NXPH1: variants seen among roughly 807,000 people sequenced by gnomAD.
NXPH1 encodes the protein neurexophilin 1.
A neutral mutation model predicts 23.7 loss-of-function variants in NXPH1; 5 were observed. The ratio of observed to expected loss-of-function variants is 0.21; its 90% CI spans 0.11 to 0.44. The LOEUF (loss-of-function observed/expected upper bound fraction) is 0.44, where lower values mean the gene tolerates loss of function less well. Ranked by LOEUF, NXPH1 falls within the 20% of genes least tolerant of loss-of-function variation. The pLI, the probability that NXPH1 is intolerant of heterozygous loss-of-function variation, is 0.99. For synonymous variants in NXPH1, 144 were observed against 122.2 expected, an observed-to-expected ratio of 1.18 and a Z score of -1.18; for missense variants, 324 against 321.6, an observed-to-expected ratio of 1.01 and a Z score of -0.06.
rs1357348538 is a variant in NXPH1 at position 8,752,918 on chromosome 7, AATG to A, written c.*1151_*1153del. 2.0e-5 allele frequency: 3 copies of A among 152,682 alleles called. No homozygotes were observed. The highest frequency in any genetic ancestry group is 4.4e-5 in the Non-Finnish European group (3 of 68,016). 9.5% of individuals were successfully genotyped at this position (152,682 alleles called of 1,614,324 possible). On this transcript the variant is annotated 3_prime_UTR_variant, in exon 3 of 3. Coordinates refer to ENST00000405863, the MANE Select transcript of NXPH1 (RefSeq NM_152745.3). The stretch of plus-strand genomic sequence containing the variant: ...ATTTAGATATTTTATTTCTGGAAAA[AATG>A]AAATGTACATAAAAATAAAACACTT...
At chr7:8,735,526 G>A (rs566614230) in intron 2 of NXPH1, among the ~76,000 whole-genome samples, 4 of 152,160 alleles carry the variant, frequency 2.6e-5, no homozygotes, top group African/African-American at 9.7e-5. Flanking sequence ...ATGTGCTGCT[G>A]CATTTGGTTT....
chr7:8,700,400 G>A (rs544287810), intron 2 of NXPH1, among the ~76,000 whole-genome samples: 11 of 152,108 alleles, frequency 7.2e-5, no homozygotes, highest in Non-Finnish European at 1.2e-4. Context: ...CACCCATAAA[G>A]GATGAAACAT....
chr7:8,586,674 T>C (rs902870091), intron 2 of NXPH1, among the ~76,000 whole-genome samples: 4 of 151,640 alleles, frequency 2.6e-5, no homozygotes, highest in Non-Finnish European at 4.4e-5. Flanking sequence ...GAGTAGAAAC[T>C]TCACATACTG....
chr7:8,496,487 C>A (rs1460532839), intron 2 of NXPH1, among the ~76,000 whole-genome samples: 1 of 151,892 alleles, frequency 6.6e-6, no homozygotes, highest in East Asian at 1.9e-4. Context: ...TAATATAATC[C>A]AAGAGTGGGC....
intron 2 of NXPH1, among the ~76,000 whole-genome samples, chr7:8,540,210 C>G (rs947404837): frequency 6.6e-6 from 1 of 151,640 alleles, no homozygotes; most frequent in Non-Finnish European, 1.5e-5. Flanking sequence ...CTTGGATATT[C>G]GAAATAACTC....
intron 2 of NXPH1, among the ~76,000 whole-genome samples, chr7:8,474,092 T>C (rs192472885): frequency 6.6e-6 from 1 of 152,258 alleles, no homozygotes; most frequent in East Asian, 1.9e-4. Context: ...AACAGCAAAA[T>C]ATAACCTCGT....
chr7:8,454,099 T>TG (rs58119101), intron 2 of NXPH1, among the ~76,000 whole-genome samples: 88,999 of 151,560 alleles, frequency 0.59, 28,897 homozygotes, highest in African/African-American at 0.87. Flanking sequence ...GAGGGTGGAG[T>TG]GGGGAGGAGA....
In NXPH1 at chr7:8,441,801, GT is replaced by G. The variant is rs1816306390; in HGVS notation, c.54+6035del. 2.6e-5 allele frequency among the ~76,000 whole-genome samples: 4 copies of G among 152,334 alleles called. No individual in the cohort carries two copies. The South Asian group carries it at 8.3e-4, about 32-fold the overall frequency. On this transcript the variant is annotated intron_variant, in intron 2 of 2. Transcript: ENST00000405863. Reference sequence around the variant, plus strand: ...AAGTTTGCCCTGCCCTCGCGGGTTGGTGGCTGTTGTTTAAACTTCTGATGAG... The same window carrying G: ...AAGTTTGCCCTGCCCTCGCGGGTTGGGGCTGTTGTTTAAACTTCTGATGAG...
intron 2 of NXPH1, among the ~76,000 whole-genome samples, chr7:8,741,515 C>G (rs1780359962): frequency 6.6e-6 from 1 of 152,024 alleles, no homozygotes; most frequent in Admixed American, 6.6e-5. Flanking sequence ...AGTTATAATC[C>G]CATCCACAGT....
intron 2 of NXPH1, among the ~76,000 whole-genome samples, chr7:8,746,317 T>C (rs1421501785): frequency 6.6e-6 from 1 of 152,204 alleles, no homozygotes; most frequent in African/African-American, 2.4e-5. Context: ...ATAAGAATAT[T>C]TAAGACAGTG....
At chr7:8,469,140 C>T (rs899622339) in intron 2 of NXPH1, among the ~76,000 whole-genome samples, 2 of 151,500 alleles carry the variant, frequency 1.3e-5, no homozygotes, top group Middle Eastern at 3.4e-3. Flanking sequence ...TCTTAGAGTC[C>T]CATATTATAC....
Position 8,752,830 on chromosome 7 carries a change from G to C in NXPH1, c.*1061G>C, listed in dbSNP as rs922900357. The C allele has an allele frequency of 6.6e-6, 1 of 152,426 alleles. No individual in the cohort carries two copies. The highest frequency in any genetic ancestry group is 1.5e-5 in the Non-Finnish European group (1 of 68,008). 9.4% of individuals were successfully genotyped at this position (152,426 alleles called of 1,614,324 possible). Reference sequence around the variant, plus strand: ...ATTAAAAAGACAAACTTAATGTACAGAGCATTTATTCAGATCAAGTATTGT... The same window carrying C: ...ATTAAAAAGACAAACTTAATGTACACAGCATTTATTCAGATCAAGTATTGT... On this transcript the variant is annotated 3_prime_UTR_variant, in exon 3 of 3. Transcript: ENST00000405863.
At chr7:8,482,346 CA>C (rs1185881888) in intron 2 of NXPH1, among the ~76,000 whole-genome samples, 2 of 152,126 alleles carry the variant, frequency 1.3e-5, no homozygotes, top group African/African-American at 4.8e-5. Context: ...ATTTCCCACA[CA>C]GTCAAGTCTC....
At chr7:8,726,671 T>C (rs1289762754) in intron 2 of NXPH1, among the ~76,000 whole-genome samples, 1 of 150,246 alleles carries the variant, frequency 6.7e-6, no homozygotes, top group Non-Finnish European at 1.5e-5. Context: ...GAACTCATCA[T>C]TTTTTATGGC....
chr7:8,691,619 C>T (rs939490814), intron 2 of NXPH1, among the ~76,000 whole-genome samples: 2 of 152,172 alleles, frequency 1.3e-5, no homozygotes, highest in Non-Finnish European at 2.9e-5. Flanking sequence ...ATTTTAACCA[C>T]TGAAACTGCC....
chr7:8,677,417 G>T (rs1820967566), intron 2 of NXPH1, among the ~76,000 whole-genome samples: 1 of 152,186 alleles, frequency 6.6e-6, no homozygotes, highest in Non-Finnish European at 1.5e-5. Context: ...ACAGACCAAA[G>T]AGAAAATGCT....
intron 2 of NXPH1, among the ~76,000 whole-genome samples, chr7:8,661,606 T>G (rs778297824): frequency 6.6e-6 from 1 of 152,048 alleles, no homozygotes; most frequent in Non-Finnish European, 1.5e-5. Flanking sequence ...TTCTCTCCCT[T>G]GGATACCTGA....
intron 2 of NXPH1, among the ~76,000 whole-genome samples, chr7:8,584,330 C>A (rs776432701): frequency 6.6e-6 from 1 of 152,144 alleles, no homozygotes; most frequent in Non-Finnish European, 1.5e-5. Flanking sequence ...AACATTGTTC[C>A]CCAATCCCTG....
intron 2 of NXPH1, among the ~76,000 whole-genome samples, chr7:8,612,211 T>C (rs527607521): frequency 1.8e-4 from 27 of 151,898 alleles, no homozygotes; most frequent in Non-Finnish European, 2.7e-4. Context: ...CATCCCTCTT[T>C]CTTTTTCTTT....
Sources: allele counts gnomAD v4.1 joint callset (sites outside exome capture counted in the v4.1 genomes callset), GRCh38; gene constraint gnomAD v4.1.1; transcripts MANE v1.5; gene names NCBI Gene and HGNC (gene_info 2026-07-23, HGNC 2026-07-21).